PIR: variants seen among roughly 807,000 people sequenced by gnomAD.
PIR encodes pirin, also known as pirin (iron-binding nuclear protein).
A neutral mutation model predicts 24.2 loss-of-function variants in PIR; 22 were observed. The observed-to-expected ratio is 0.91, with a 90% CI of 0.65 to 1.30. The LOEUF (loss-of-function observed/expected upper bound fraction) is 1.30, where lower values mean the gene tolerates loss of function less well. PIR is among the 50% of genes most tolerant of loss of function. PIR has a pLI of 0.00. For synonymous variants in PIR, 80 were observed against 79.6 expected (o/e 1.00, Z -0.03); for missense variants, 220 against 220.3 (o/e 1.00, Z 0.01).
intron 4 of PIR, among the ~76,000 whole-genome samples, chrX:15,458,461 C>T (rs1229537020): frequency 1.8e-5 from 2 of 110,559 alleles, no homozygotes; most frequent in South Asian, 7.8e-4. Context: ...GACAACATAA[C>T]GAGACCCCAT....
intron 7 of PIR, 105 bp downstream of exon 7, chrX:15,407,401 T>C (rs1924582066): frequency 5.0e-6 from 3 of 601,267 alleles, no homozygotes; most frequent in Non-Finnish European, 5.7e-6. Context: ...GGAGAGAAGG[T>C]GGCATAGTAT....
intron 6 of PIR, among the ~76,000 whole-genome samples, chrX:15,413,287 C>T (rs886941235): frequency 2.7e-5 from 3 of 111,502 alleles, no homozygotes; most frequent in African/African-American, 9.8e-5. Context: ...TGGAGATGGC[C>T]CTAAGCTCCC....
chrX:15,488,924 T>A (rs1923018141), intron 2 of PIR, among the ~76,000 whole-genome samples: 1 of 111,875 alleles, frequency 8.9e-6, no homozygotes, highest in Non-Finnish European at 1.9e-5. Flanking sequence ...TTTTTTATTG[T>A]GGTAAAATAT....
rs776375420 is a variant in PIR, at chrX:15,408,633, A to C, written c.566-1083T>G. Among the ~76,000 whole-genome samples, 4 of 111,830 alleles carry C rather than the reference A, an allele frequency of 3.6e-5. No homozygotes were observed. In the South Asian group the frequency reaches 1.5e-3, roughly 42 times the overall value. The stretch of plus-strand genomic sequence containing the variant: ...GAAGAGATGCTGTGTTTCCACTGAG[A>C]GATATGAACCTAGAAAAGGCACAGT... On this transcript the variant is annotated intron_variant, in intron 6 of 9. Coordinates refer to ENST00000380420, the MANE Select transcript of PIR (RefSeq NM_001018109.3).
intron 5 of PIR, among the ~76,000 whole-genome samples, chrX:15,445,692 A>T (rs1453045877): frequency 9.0e-6 from 1 of 110,763 alleles, no homozygotes; most frequent in Non-Finnish European, 1.9e-5. Flanking sequence ...AATACAAAAG[A>T]CTCCATTAGA....
At chrX:15,437,457 G>C (rs745573473) in intron 5 of PIR, among the ~76,000 whole-genome samples, 4 of 111,864 alleles carry the variant, frequency 3.6e-5, no homozygotes, top group Non-Finnish European at 5.6e-5. Flanking sequence ...AAAGTTTTCT[G>C]TACAACTATT....
At chrX:15,471,032 G>A (rs1268132472) in intron 3 of PIR, among the ~76,000 whole-genome samples, 1 of 110,687 alleles carries the variant, frequency 9.0e-6, no homozygotes, top group African/African-American at 3.3e-5. Context: ...AGGGAAATTT[G>A]TTGGGAATTT....
In PIR at chrX:15,407,568, C is replaced by T. The variant is rs1249074767; in HGVS notation, c.566-18G>A. 1 of 1,154,273 alleles carries T rather than the reference C, an allele frequency of 8.7e-7. No individual in the cohort carries two copies. The highest frequency in any genetic ancestry group is 1.2e-6 in the Non-Finnish European group (1 of 843,068). On this transcript the variant is annotated intron_variant, in intron 6 of 9. Transcript: ENST00000380420. ...TGTCCACCCTGGAAAGGACCAGCAA[C>T]ATTAACATGTTAGTGTCCATAATGC...
rs944737824 is a variant in PIR at position 15,390,235 on chromosome X, T to A, written c.710A>T (p.His237Leu). The change falls in exon 9 of 10, where the codon CAC becomes CTC. Residue 237 changes from histidine to leucine, a missense_variant. Coordinates refer to ENST00000380420, the MANE Select transcript of PIR (RefSeq NM_001018109.3). ...QVENKDPKRS[H>L]FVLIAGEPLR... ...TGGCTCCCCAGCAATTAAGACAAAG[T>A]GGCTTCTCTTGGGATCCTAAAGTTA... The A allele has an allele frequency of 2.6e-6, 3 of 1,136,852 alleles. No homozygotes were observed. In the Admixed American group the frequency reaches 6.9e-5, roughly 26 times the overall value. The allele number at this position is 1,136,852 out of a possible 1,213,427, so 93.7% of individuals were successfully genotyped here.
chrX:15,476,887 G>C (rs186617239), intron 3 of PIR, among the ~76,000 whole-genome samples: 65 of 111,883 alleles, frequency 5.8e-4, no homozygotes, highest in Non-Finnish European at 1.1e-4. Context: ...GGTGATATCA[G>C]TTGGTACAAC....
intron 6 of PIR, among the ~76,000 whole-genome samples, chrX:15,424,827 A>G (rs1232489955): frequency 9.0e-6 from 1 of 111,263 alleles, no homozygotes; most frequent in Non-Finnish European, 1.9e-5. Context: ...TGAAACCTCC[A>G]TCTCTACAAA....
chrX:15,452,178 G>A (rs925180150), intron 5 of PIR, among the ~76,000 whole-genome samples: 16 of 111,746 alleles, frequency 1.4e-4, no homozygotes, highest in African/African-American at 5.2e-4. Flanking sequence ...AAGTAGAGGC[G>A]TGTTTTTGGA....
At chrX:15,464,549 C>T in intron 3 of PIR, 3 of 362,433 alleles carry the variant, frequency 8.3e-6, no homozygotes, top group Non-Finnish European at 1.1e-5. Context: ...AAGAGTAGCT[C>T]CATATTACAT....
chrX:15,405,573 T>C (rs1455819274), intron 7 of PIR, among the ~76,000 whole-genome samples: 3 of 112,824 alleles, frequency 2.7e-5, no homozygotes, highest in Non-Finnish European at 5.6e-5. Flanking sequence ...TTTCTTCATT[T>C]CCATTTGTGT....
intron 5 of PIR, among the ~76,000 whole-genome samples, chrX:15,436,612 C>A (rs192616457): frequency 8.9e-6 from 1 of 112,368 alleles, no homozygotes; most frequent in Admixed American, 9.4e-5. Flanking sequence ...TATTTGTTAA[C>A]TCCAATCCAT....
chrX:15,433,544 G>GAAAGAAAGAA (rs780968509), intron 5 of PIR, among the ~76,000 whole-genome samples: 1,670 of 58,689 alleles, frequency 0.028, 102 homozygotes, highest in East Asian at 0.043. Flanking sequence ...AAGAAAGAAA[G>GAAAGAAAGAA]AGAGAGAAAG....
At chrX:15,416,067 T>C (rs1057341753) in intron 6 of PIR, among the ~76,000 whole-genome samples, 10 of 111,305 alleles carry the variant, frequency 9.0e-5, no homozygotes, top group African/African-American at 3.3e-4. Flanking sequence ...TACAAATCAA[T>C]ATGAAAAAGA....
intron 6 of PIR, among the ~76,000 whole-genome samples, chrX:15,413,525 C>T (rs967794906): frequency 1.8e-5 from 2 of 111,504 alleles, no homozygotes; most frequent in Non-Finnish European, 3.8e-5. Context: ...AACAGCTCAC[C>T]GTAAGATCTA....
At chrX:15,447,961 T>A (rs1205936318) in intron 5 of PIR, among the ~76,000 whole-genome samples, 1 of 112,319 alleles carries the variant, frequency 8.9e-6, no homozygotes, top group Non-Finnish European at 1.9e-5. Flanking sequence ...AAAGTATGAA[T>A]GGCACAGGGT....
Sources: gnomAD v4.1 joint callset for allele counts (sites outside exome capture counted in the v4.1 genomes callset) on GRCh38, gnomAD v4.1.1 for gene constraint, MANE v1.5 for transcripts, NCBI Gene and HGNC (gene_info 2026-07-23, HGNC 2026-07-21) for gene names.